VAPA: variants seen among roughly 807,000 people sequenced by gnomAD.
VAPA encodes the protein VAMP associated protein A.
Under a neutral mutation model 25.6 loss-of-function variants are expected in VAPA, and 6 were observed. The ratio of observed to expected loss-of-function variants is 0.23; its 90% CI spans 0.13 to 0.46. VAPA has a LOEUF of 0.46. Ranked by LOEUF, VAPA falls within the 20% of genes least tolerant of loss-of-function variation. The pLI is 0.99. For missense variants in VAPA, 244 were observed against 302.1 expected (o/e 0.81, Z 1.43); for synonymous variants, 112 against 106.2 (o/e 1.05, Z -0.34).
intron 1 of VAPA, among the ~76,000 whole-genome samples, chr18:9,918,098 A>T (rs2069127314): frequency 1.3e-5 from 2 of 152,046 alleles, no homozygotes; most frequent in South Asian, 4.1e-4. Context: ...TTCTTCCCTG[A>T]GAAAGAAAAA....
chr18:9,943,997 G>C (rs188192036), intron 4 of VAPA, among the ~76,000 whole-genome samples: 1 of 151,446 alleles, frequency 6.6e-6, no homozygotes, highest in Non-Finnish European at 1.5e-5. Context: ...GAGTAGCTGG[G>C]ACTACAGGTG....
At chr18:9,926,873 T>A (rs141328520) in intron 1 of VAPA, among the ~76,000 whole-genome samples, 9 of 152,218 alleles carry the variant, frequency 5.9e-5, no homozygotes, top group Admixed American at 2.6e-4. Flanking sequence ...CAGGACTACT[T>A]CTTGCAAGAT....
rs1354879033 is a variant in VAPA, at chr18:9,940,985, A to G, written c.417+3919A>G. On this transcript the variant is annotated intron_variant, in intron 4 of 5. Coordinates refer to ENST00000400000, the MANE Select transcript of VAPA (RefSeq NM_194434.3). Reference sequence around the variant, plus strand: ...TTTATAAGGCAGTATTTCCCAGTGTATTAGGTTGGAAGTGTTCTGTAGACA... The same window carrying G: ...TTTATAAGGCAGTATTTCCCAGTGTGTTAGGTTGGAAGTGTTCTGTAGACA... Among the ~76,000 whole-genome samples the G allele has an allele frequency of 2.6e-5, 4 of 152,302 alleles. No homozygotes were observed. The East Asian group carries it at 5.8e-4, about 22-fold the overall frequency.
At chr18:9,929,851 T>C (rs993148492) in intron 1 of VAPA, among the ~76,000 whole-genome samples, 1 of 152,230 alleles carries the variant, frequency 6.6e-6, no homozygotes, top group Non-Finnish European at 1.5e-5. Flanking sequence ...ACTCGCAAGT[T>C]AACATGTCCT....
At chr18:9,936,826 C>T (rs1599108321) in intron 3 of VAPA, 160 bp from the exon 4 acceptor site, 1 of 575,494 alleles carries the variant, frequency 1.7e-6, no homozygotes, top group Admixed American at 3.2e-5. Context: ...GGTTCTGTGA[C>T]ATTAGCCGAT....
At chr18:9,917,221 T>G (rs1211765202) in intron 1 of VAPA, among the ~76,000 whole-genome samples, 4 of 152,238 alleles carry the variant, frequency 2.6e-5, no homozygotes, top group Non-Finnish European at 4.4e-5. Context: ...GAAAGATTTT[T>G]TTTGTCTTTA....
intron 1 of VAPA, among the ~76,000 whole-genome samples, chr18:9,927,844 A>C (rs1160154663): frequency 6.6e-6 from 1 of 152,104 alleles, no homozygotes; most frequent in Non-Finnish European, 1.5e-5. Context: ...ATTTTGGCTT[A>C]ATGGCAGTGA....
At chr18:9,938,345 T>C (rs1349125859) in intron 4 of VAPA, among the ~76,000 whole-genome samples, 4 of 152,212 alleles carry the variant, frequency 2.6e-5, no homozygotes, top group African/African-American at 9.6e-5. Flanking sequence ...ACCCCAGGTA[T>C]TTGATACTGC....
At chr18:9,918,056 G>A (rs1408786409) in intron 1 of VAPA, among the ~76,000 whole-genome samples, 1 of 150,406 alleles carries the variant, frequency 6.6e-6, no homozygotes, top group South Asian at 2.1e-4. Flanking sequence ...CCTTCCTCTT[G>A]TAACACCTGT....
At chr18:9,932,557 G>C (rs538682731) in intron 2 of VAPA, among the ~76,000 whole-genome samples, 2 of 152,172 alleles carry the variant, frequency 1.3e-5, no homozygotes, top group Non-Finnish European at 1.5e-5. Context: ...CATATCTAAT[G>C]CCCCCTATAA....
In VAPA at chr18:9,935,521, G is replaced by C. The variant is rs182472804; in HGVS notation, c.233-589G>C. On this transcript the variant is annotated intron_variant, in intron 2 of 5. Coordinates refer to ENST00000400000, the MANE Select transcript of VAPA (RefSeq NM_194434.3). ...CCTAGGGAGGTTGAGGCTACAGTGAGCTGAGATTGCGCCACTGCACTGCAG... is the reference window on the plus strand; with the variant it reads ...CCTAGGGAGGTTGAGGCTACAGTGACCTGAGATTGCGCCACTGCACTGCAG... Among the ~76,000 whole-genome samples, 326 of 152,342 alleles carry C rather than the reference G, an allele frequency of 2.1e-3. 2 individuals carry two copies. Among genetic ancestry groups the C allele is most frequent in the African/African-American group, 7.5e-3 (311 of 41,576 alleles).
chr18:9,943,239 A>T (rs29143), intron 4 of VAPA, among the ~76,000 whole-genome samples: 1 of 152,234 alleles, frequency 6.6e-6, no homozygotes, highest in South Asian at 2.1e-4. Context: ...ATTCTCATTT[A>T]TTTGAACCAT....
chr18:9,940,352 A>C (rs2069354164), intron 4 of VAPA, among the ~76,000 whole-genome samples: 1 of 152,122 alleles, frequency 6.6e-6, no homozygotes, highest in Admixed American at 6.5e-5. Context: ...CCAGACCTGG[A>C]AAGAAGCTCA....
chr18:9,918,302 A>G (rs971128453), intron 1 of VAPA, among the ~76,000 whole-genome samples: 1 of 151,868 alleles, frequency 6.6e-6, no homozygotes, highest in African/African-American at 2.4e-5. Flanking sequence ...TTTGACCATA[A>G]CTCTTTCTAG....
At chr18:9,924,182 A>G (rs906956757) in intron 1 of VAPA, among the ~76,000 whole-genome samples, 2 of 152,132 alleles carry the variant, frequency 1.3e-5, no homozygotes, top group Admixed American at 6.6e-5. Context: ...TTAGATCTAA[A>G]TAATAAAAAA....
chr18:9,923,699 C>G (rs1012790270), intron 1 of VAPA, among the ~76,000 whole-genome samples: 11 of 152,042 alleles, frequency 7.2e-5, no homozygotes, highest in Non-Finnish European at 1.6e-4. Flanking sequence ...ATCTCTTGGT[C>G]TTGTTTTCTG....
chr18:9,933,109 CT>C (rs1282568281), intron 2 of VAPA, among the ~76,000 whole-genome samples: 80 of 149,056 alleles, frequency 5.4e-4, no homozygotes, highest in African/African-American at 1.8e-3. Context: ...AAAAGTGTAC[CT>C]TAAAAAAAAA....
chr18:9,944,881 A>T, intron 4 of VAPA: 1 of 1,599,998 alleles, frequency 6.3e-7, no homozygotes, highest in Non-Finnish European at 8.5e-7. Flanking sequence ...AAGAAATCAG[A>T]GTTCGGTGAG....
chr18:9,934,617 C>CT (rs367800242), intron 2 of VAPA, among the ~76,000 whole-genome samples: 1 of 152,190 alleles, frequency 6.6e-6, no homozygotes, highest in Non-Finnish European at 1.5e-5. Context: ...CCGTGTTTAT[C>CT]TTTTTGAAAG....
Sources: gnomAD v4.1 joint callset for allele counts (sites outside exome capture counted in the v4.1 genomes callset) on GRCh38, gnomAD v4.1.1 for gene constraint, MANE v1.5 for transcripts, NCBI Gene and HGNC (gene_info 2026-07-23, HGNC 2026-07-21) for gene names.